Variants in C1orf21 observed in about 807,000 individuals in gnomAD.
The protein encoded by C1orf21 is uncharacterized protein C1orf21.
In C1orf21, 3 loss-of-function variants were observed where a neutral mutation model predicts 18.7. That is an observed-to-expected ratio of 0.16 (90% CI 0.07 to 0.42). The LOEUF is 0.42. Ranked by LOEUF, C1orf21 falls within the 10% of genes least tolerant of loss-of-function variation. The probability of loss-of-function intolerance (pLI) is 0.99; values close to 1 mark genes in which losing one functional copy is unlikely to be tolerated. For missense variants in C1orf21, 104 were observed against 143.6 expected, an observed-to-expected ratio of 0.72 and a Z score of 1.41; for synonymous variants, 41 against 46.4, an observed-to-expected ratio of 0.88 and a Z score of 0.47.
intron 5 of C1orf21, chr1:184,599,333 A>G (rs1288383669): frequency 2.6e-5 from 4 of 152,056 alleles, no homozygotes; most frequent in Non-Finnish European, 4.4e-5. Context: ...TTGTCCTTTT[A>G]TTTTAGTATT....
At chr1:184,396,620 G>A (rs1656054322) in intron 1 of C1orf21, among the ~76,000 whole-genome samples, 1 of 152,186 alleles carries the variant, frequency 6.6e-6, no homozygotes, top group Non-Finnish European at 1.5e-5. Flanking sequence ...CTATAATTCA[G>A]AAGAGAGGGT....
intron 1 of C1orf21, among the ~76,000 whole-genome samples, chr1:184,392,972 G>A (rs1055849117): frequency 1.3e-5 from 2 of 151,792 alleles, no homozygotes; most frequent in African/African-American, 4.8e-5. Flanking sequence ...GGAGCCACAG[G>A]TGCACACCAT....
intron 1 of C1orf21, among the ~76,000 whole-genome samples, chr1:184,470,072 TTGTG>T (rs1657471860): frequency 6.6e-6 from 1 of 152,188 alleles, no homozygotes; most frequent in East Asian, 1.9e-4. Flanking sequence ...GCATTCAGTT[TTGTG>T]TGTGTGTTTT....
intron 3 of C1orf21, among the ~76,000 whole-genome samples, chr1:184,554,949 C>T (rs1019599860): frequency 6.6e-6 from 1 of 152,128 alleles, no homozygotes; most frequent in African/African-American, 2.4e-5. Context: ...CAGAGACAGC[C>T]CTTTATCCAG....
At chr1:184,545,452 G>A (rs1327809799) in intron 3 of C1orf21, among the ~76,000 whole-genome samples, 1 of 152,008 alleles carries the variant, frequency 6.6e-6, no homozygotes, top group Non-Finnish European at 1.5e-5. Flanking sequence ...ATGAAAAAGT[G>A]TTTTGCATTT....
intron 3 of C1orf21, among the ~76,000 whole-genome samples, chr1:184,564,236 T>C (rs910716632): frequency 6.6e-6 from 1 of 152,204 alleles, no homozygotes; most frequent in Non-Finnish European, 1.5e-5. Context: ...GCAAAATACC[T>C]AGACTGGACT....
rs1660053858 is a variant in C1orf21 at position 184,628,488 on chromosome 1, C to T, written c.*8932C>T. 6.6e-6 allele frequency: 1 copy of T among 152,198 alleles called. No individual in the cohort carries two copies. Among genetic ancestry groups the T allele is most frequent in the Non-Finnish European group, 1.5e-5 (1 of 68,028 alleles). The allele number at this position is 152,198 out of a possible 1,614,324, so 9.4% of individuals were successfully genotyped here. On this transcript the variant is annotated 3_prime_UTR_variant, in exon 6 of 6. Transcript: ENST00000235307. ...CCTTGCTTTAGTGCAAATCAGCACG[C>T]CTAAATAGCATCCCAAACCACTGTG...
At chr1:184,528,205 G>C (rs1475424259) in intron 3 of C1orf21, among the ~76,000 whole-genome samples, 1 of 152,134 alleles carries the variant, frequency 6.6e-6, no homozygotes, top group Non-Finnish European at 1.5e-5. Context: ...AATATAACTA[G>C]TAAAGTATGG....
intron 3 of C1orf21, among the ~76,000 whole-genome samples, chr1:184,516,698 C>T (rs1315281920): frequency 9.2e-5 from 14 of 152,194 alleles, no homozygotes; most frequent in Admixed American, 9.2e-4. Context: ...TATTCACTAC[C>T]ATGAGAACAG....
chr1:184,551,504 A>G (rs968504446), intron 3 of C1orf21, among the ~76,000 whole-genome samples: 1 of 152,228 alleles, frequency 6.6e-6, no homozygotes, highest in Non-Finnish European at 1.5e-5. Context: ...AGGCTGAGAT[A>G]GAGAAGCAAG....
intron 5 of C1orf21, among the ~76,000 whole-genome samples, chr1:184,606,631 C>CA (rs1157568779): frequency 6.6e-6 from 1 of 151,252 alleles, no homozygotes; most frequent in Non-Finnish European, 1.5e-5. Context: ...GTAACAACAA[C>CA]AAAAAAAATT....
intron 2 of C1orf21, among the ~76,000 whole-genome samples, chr1:184,497,835 T>A (rs1035133880): frequency 2.6e-5 from 4 of 152,162 alleles, no homozygotes; most frequent in Non-Finnish European, 5.9e-5. Context: ...CAAATATCAC[T>A]GAAAACCAAT....
At chr1:184,554,952 T>C (rs1259624583) in intron 3 of C1orf21, among the ~76,000 whole-genome samples, 1 of 152,210 alleles carries the variant, frequency 6.6e-6, no homozygotes, top group African/African-American at 2.4e-5. Context: ...AGACAGCCCT[T>C]TATCCAGCTG....
chr1:184,550,598 A>G (rs1262135535), intron 3 of C1orf21, among the ~76,000 whole-genome samples: 2 of 152,080 alleles, frequency 1.3e-5, no homozygotes, highest in Non-Finnish European at 2.9e-5. Context: ...GCAGTGGTGC[A>G]ATCCTGGCTC....
At chr1:184,554,813 G>A (rs1460576554) in intron 3 of C1orf21, among the ~76,000 whole-genome samples, 1 of 152,158 alleles carries the variant, frequency 6.6e-6, no homozygotes, top group African/African-American at 2.4e-5. Flanking sequence ...GTATATGATA[G>A]GGTTCTTTTA....
chr1:184,559,269 C>T (rs1658918851), intron 3 of C1orf21, among the ~76,000 whole-genome samples: 1 of 151,898 alleles, frequency 6.6e-6, no homozygotes, highest in South Asian at 2.1e-4. Flanking sequence ...GGCACCTCCT[C>T]CCACCCCCAC....
chr1:184,396,978 A>G (rs558948014), intron 1 of C1orf21, among the ~76,000 whole-genome samples: 5 of 152,304 alleles, frequency 3.3e-5, no homozygotes, highest in Non-Finnish European at 7.3e-5. Context: ...GAGTTTTTAT[A>G]AATGTGATAG....
intron 1 of C1orf21, among the ~76,000 whole-genome samples, chr1:184,402,484 C>T (rs1312283527): frequency 6.6e-6 from 1 of 151,930 alleles, no homozygotes; most frequent in African/African-American, 2.4e-5. Flanking sequence ...CTTAGCTGGG[C>T]ATAGTGTTGC....
At chr1:184,416,738 A>G (rs1656457451) in intron 1 of C1orf21, among the ~76,000 whole-genome samples, 1 of 152,222 alleles carries the variant, frequency 6.6e-6, no homozygotes, top group Non-Finnish European at 1.5e-5. Flanking sequence ...TATATCTTCA[A>G]AGAATGATAA....
Sources: gnomAD v4.1 joint callset for allele counts (sites outside exome capture counted in the v4.1 genomes callset) on GRCh38, gnomAD v4.1.1 for gene constraint, MANE v1.5 for transcripts, NCBI Gene and HGNC (gene_info 2026-07-23, HGNC 2026-07-21) for gene names.